Variants in CSMD2 observed in about 807,000 individuals in gnomAD.
CSMD2 encodes the protein CUB and Sushi multiple domains 2.
In CSMD2, 130 loss-of-function variants were observed where a neutral mutation model predicts 398.5. The observed-to-expected ratio is 0.33, with a 90% CI of 0.28 to 0.38. The LOEUF (loss-of-function observed/expected upper bound fraction) is 0.38, where lower values mean the gene tolerates loss of function less well. Ranked by LOEUF, CSMD2 falls within the 10% of genes least tolerant of loss-of-function variation. The pLI, the probability that CSMD2 is intolerant of heterozygous loss-of-function variation, is 1.00. For synonymous variants in CSMD2, 1,828 were observed against 1,908.5 expected, an observed-to-expected ratio of 0.96 and a Z score of 1.10; for missense variants, 3,829 against 4,764.9, an observed-to-expected ratio of 0.80 and a Z score of 5.78.
chr1:33,941,356 C>T, intron 3 of CSMD2, among the ~76,000 whole-genome samples: 1 of 152,222 alleles, frequency 6.6e-6, no homozygotes, highest in Non-Finnish European at 1.5e-5. Context: ...TTTATGCTCT[C>T]TGGACAAGCA....
intron 3 of CSMD2, among the ~76,000 whole-genome samples, chr1:33,996,561 T>C (rs558013250): frequency 2.2e-4 from 34 of 152,272 alleles, no homozygotes; most frequent in Admixed American, 2.0e-3. Flanking sequence ...GGAGCTTGCA[T>C]GGACTGGAAG....
At chr1:33,787,686 C>T (rs1557893204) in intron 12 of CSMD2, among the ~76,000 whole-genome samples, 1 of 152,148 alleles carries the variant, frequency 6.6e-6, no homozygotes, top group Non-Finnish European at 1.5e-5. Context: ...GCGTCTAGTA[C>T]CTAAGAGGGG....
At chr1:34,127,917 G>A (rs972310236) in intron 1 of CSMD2, among the ~76,000 whole-genome samples, 3 of 151,958 alleles carry the variant, frequency 2.0e-5, no homozygotes, top group Admixed American at 6.6e-5. Flanking sequence ...TGAGAGTCTC[G>A]GGGTCTCCAG....
At chr1:34,096,497 T>A (rs1370944071) in intron 1 of CSMD2, among the ~76,000 whole-genome samples, 1 of 148,812 alleles carries the variant, frequency 6.7e-6, no homozygotes, top group Non-Finnish European at 1.5e-5. Context: ...GACATGATTG[T>A]ATATCTAGAA....
At chr1:33,562,216 G>A (rs1250581172) in intron 53 of CSMD2, among the ~76,000 whole-genome samples, 2 of 118,314 alleles carry the variant, frequency 1.7e-5, no homozygotes, top group African/African-American at 5.7e-5. Flanking sequence ...TCCCCTGCCT[G>A]GTTCAGGCTC....
At chr1:33,553,993 A>C (rs1657713427) in intron 55 of CSMD2, among the ~76,000 whole-genome samples, 1 of 151,974 alleles carries the variant, frequency 6.6e-6, no homozygotes, top group Non-Finnish European at 1.5e-5. Flanking sequence ...GAAGCTGCAG[A>C]AGAAAAGTAC....
intron 22 of CSMD2, among the ~76,000 whole-genome samples, chr1:33,706,677 T>C (rs886347064): frequency 6.6e-6 from 1 of 152,134 alleles, no homozygotes; most frequent in Non-Finnish European, 1.5e-5. Flanking sequence ...AAATTGGGAA[T>C]GGAAACACTC....
intron 5 of CSMD2, among the ~76,000 whole-genome samples, chr1:33,894,355 C>A (rs1295963473): frequency 6.6e-6 from 1 of 152,182 alleles, no homozygotes; most frequent in African/African-American, 2.4e-5. Context: ...GTGTCTGCAT[C>A]CCTGTGCTCG....
chr1:33,758,023 TAA>T (rs1649283776), intron 13 of CSMD2, among the ~76,000 whole-genome samples: 2 of 152,330 alleles, frequency 1.3e-5, no homozygotes, highest in Admixed American at 1.3e-4. Flanking sequence ...TGGGACTTCT[TAA>T]AGACTCCCTG....
chr1:34,070,109 C>G (rs1216451656), intron 2 of CSMD2, among the ~76,000 whole-genome samples: 4 of 152,220 alleles, frequency 2.6e-5, no homozygotes, highest in Non-Finnish European at 5.9e-5. Flanking sequence ...CTTCTACATA[C>G]TCCAAAATAG....
chr1:33,937,906 T>G (rs1441411076), intron 3 of CSMD2, among the ~76,000 whole-genome samples: 3 of 152,250 alleles, frequency 2.0e-5, no homozygotes, highest in African/African-American at 7.2e-5. Flanking sequence ...CACAGGGCCA[T>G]GAGGGCGTGG....
At chr1:33,909,254 G>C (rs1270729336) in intron 5 of CSMD2, among the ~76,000 whole-genome samples, 3 of 152,148 alleles carry the variant, frequency 2.0e-5, no homozygotes, top group Non-Finnish European at 4.4e-5. Flanking sequence ...AGGACATTGA[G>C]ATGATAAGCC....
At position 33,663,055 on chromosome 1, in the gene CSMD2, C is replaced by T; in HGVS notation, c.4090G>A (p.Asp1364Asn). ...FLVFDTEEVH[D>N]VLRIWDGPVE... ...GGCCCATCCCAGATGCGCAGCACGT[C>T]GTGAACCTCCTCTGTGTCAAACACC... The change falls in exon 26 of 71, where the codon GAC becomes AAC. Residue 1364 changes from aspartate to asparagine, a missense_variant. Coordinates refer to ENST00000373381, the MANE Select transcript of CSMD2 (RefSeq NM_001281956.2). The T allele has an allele frequency of 6.2e-7, 1 of 1,614,088 alleles. No individual in the cohort carries two copies. The highest frequency in any genetic ancestry group is 8.5e-7 in the Non-Finnish European group (1 of 1,179,974).
At position 33,625,322 on chromosome 1, in the gene CSMD2, A is replaced by G. The variant is rs1032869149; in HGVS notation, c.5297-68T>C. Reference sequence around the variant, plus strand: ...AAACTGGCCCAGGGACGGACATACAACGGGTCTGGAACAAAGACCGTCTGG... The same window carrying G: ...AAACTGGCCCAGGGACGGACATACAGCGGGTCTGGAACAAAGACCGTCTGG... On this transcript the variant is annotated intron_variant, in intron 33 of 70. Transcript: ENST00000373381. 44 of 1,411,178 alleles carry G rather than the reference A, an allele frequency of 3.1e-5. No individual in the cohort carries two copies. The Admixed American group carries it at 8.4e-4, about 27-fold the overall frequency. 87.4% of individuals were successfully genotyped at this position (1,411,178 alleles called of 1,614,324 possible).
intron 5 of CSMD2, among the ~76,000 whole-genome samples, chr1:33,891,730 A>T (rs112760050): frequency 0.082 from 12,478 of 151,756 alleles, 670 homozygotes; most frequent in African/African-American, 0.14. Context: ...TAAAAAATGA[A>T]GAGTTCATGT....
rs776952722 is a variant in CSMD2 at position 33,846,864 on chromosome 1, C to G, written c.1033+20G>C. 1.3e-6 allele frequency: 2 copies of G among 1,526,348 alleles called. No individual in the cohort carries two copies. The highest frequency in any genetic ancestry group is 1.8e-6 in the Non-Finnish European group (2 of 1,119,194). 94.6% of individuals were successfully genotyped at this position (1,526,348 alleles called of 1,614,324 possible). A position where few individuals can be genotyped will look rare whatever the true frequency, so the allele number is the denominator to read the frequency against. ...TCTGCTGCCCACTGAGGAAGCCAGACAGTCCTGGGACCTGCCTACCTTGGT... is the reference window on the plus strand; with the variant it reads ...TCTGCTGCCCACTGAGGAAGCCAGAGAGTCCTGGGACCTGCCTACCTTGGT... On this transcript the variant is annotated intron_variant, in intron 6 of 70. Coordinates refer to ENST00000373381, the MANE Select transcript of CSMD2 (RefSeq NM_001281956.2).
rs57943953 is a variant in CSMD2 at position 34,109,973 on chromosome 1, G to A, written c.188-20780C>T. Among the ~76,000 whole-genome samples, 889 of 147,540 alleles carry A rather than the reference G, an allele frequency of 6.0e-3. 13 individuals are homozygous for A. The highest frequency in any genetic ancestry group is 0.02 in the African/African-American group (827 of 40,400). ...GGAGAATCGGGTGAACCCAGGAGGC[G>A]GAGGTTGCAGTGAACCGAGATGGCG... On this transcript the variant is annotated intron_variant, in intron 1 of 70. Transcript: ENST00000373381.
At chr1:34,065,440 C>T (rs1244363140) in intron 2 of CSMD2, among the ~76,000 whole-genome samples, 2 of 152,274 alleles carry the variant, frequency 1.3e-5, no homozygotes, top group Admixed American at 6.5e-5. Context: ...AAACCATCCC[C>T]AAAACTGCCC....
chr1:34,009,090 G>GA, intron 3 of CSMD2, among the ~76,000 whole-genome samples: 1 of 152,030 alleles, frequency 6.6e-6, no homozygotes, highest in Admixed American at 6.6e-5. Flanking sequence ...CAGCTGCAGA[G>GA]AATAAGGGGC....
Sources: gnomAD v4.1 joint callset for allele counts (sites outside exome capture counted in the v4.1 genomes callset) on GRCh38, gnomAD v4.1.1 for gene constraint, MANE v1.5 for transcripts, NCBI Gene and HGNC (gene_info 2026-07-23, HGNC 2026-07-21) for gene names.